GRAMD1B: variants seen among roughly 807,000 people sequenced by gnomAD.
GRAMD1B encodes protein Aster-B.
A neutral mutation model predicts 99.7 loss-of-function variants in GRAMD1B; 37 were observed. The observed-to-expected ratio is 0.37, with a 90% CI of 0.29 to 0.49. GRAMD1B has a LOEUF of 0.49. Among genes scored for constraint, GRAMD1B ranks in the 20% least tolerant of loss-of-function variants. The pLI, the probability that GRAMD1B is intolerant of heterozygous loss-of-function variation, is 0.98. For synonymous variants in GRAMD1B, 427 were observed against 387.6 expected, an observed-to-expected ratio of 1.10 and a Z score of -1.19; for missense variants, 888 against 1,009.2, an observed-to-expected ratio of 0.88 and a Z score of 1.63.
At chr11:123,620,278 G>A (rs534930633) in intron 19 of GRAMD1B, among the ~76,000 whole-genome samples, 96 of 152,010 alleles carry the variant, frequency 6.3e-4, no homozygotes, top group African/African-American at 2.2e-3. Flanking sequence ...GTTTGAAACC[G>A]GCCTGGCCAA....
At chr11:123,622,358 A>T in intron 19 of GRAMD1B, 148 bp from the exon 20 acceptor site, 1 of 610,054 alleles carries the variant, frequency 1.6e-6, no homozygotes, top group Non-Finnish European at 3.0e-6. Context: ...AGTGTTGAGA[A>T]CCACCCTTGC....
chr11:123,412,898 C>T (rs1948101776), intron 1 of GRAMD1B, among the ~76,000 whole-genome samples: 1 of 152,146 alleles, frequency 6.6e-6, no homozygotes, highest in Non-Finnish European at 1.5e-5. Flanking sequence ...TCTCCTGTCT[C>T]AGCCTCCCGA....
At chr11:123,399,980 A>C (rs1947602557) in intron 1 of GRAMD1B, among the ~76,000 whole-genome samples, 1 of 151,972 alleles carries the variant, frequency 6.6e-6, no homozygotes, top group Non-Finnish European at 1.5e-5. Context: ...TTTGATTTGA[A>C]CCTGGTAACC....
intron 1 of GRAMD1B, among the ~76,000 whole-genome samples, chr11:123,386,452 T>C (rs1229942507): frequency 6.6e-6 from 1 of 150,478 alleles, no homozygotes; most frequent in African/African-American, 2.4e-5. Flanking sequence ...TTTTTTTTTT[T>C]TTTGAGATGG....
intron 1 of GRAMD1B, chr11:123,459,217 T>A (rs1160657726): frequency 6.6e-6 from 1 of 150,870 alleles, no homozygotes; most frequent in East Asian, 1.9e-4. Flanking sequence ...TATTTTTTTT[T>A]AATTTGCTGA....
chr11:123,476,608 A>G (rs1330399478), intron 1 of GRAMD1B, among the ~76,000 whole-genome samples: 1 of 152,174 alleles, frequency 6.6e-6, no homozygotes, highest in African/African-American at 2.4e-5. Flanking sequence ...TCCACCAGCT[A>G]CACCTTGTTC....
At chr11:123,608,876 C>A in intron 12 of GRAMD1B, 74 bp downstream of exon 12, 1 of 1,008,080 alleles carries the variant, frequency 9.9e-7, no homozygotes, top group Non-Finnish European at 1.5e-6. Context: ...CATTTGCTTC[C>A]TTCCCTTCCT....
chr11:123,438,455 T>C (rs1214798789), intron 1 of GRAMD1B, among the ~76,000 whole-genome samples: 3 of 151,716 alleles, frequency 2.0e-5, no homozygotes, highest in Admixed American at 6.6e-5. Flanking sequence ...AGGAGATGTG[T>C]GTGAGGTTGT....
chr11:123,428,518 G>A (rs914425355), upstream of GRAMD1B, among the ~76,000 whole-genome samples: 7 of 152,180 alleles, frequency 4.6e-5, no homozygotes, highest in Admixed American at 3.3e-4. Context: ...CTCTTCAGCC[G>A]CAGTATCTCT....
intron 6 of GRAMD1B, 46 bp downstream of exon 6, chr11:123,594,884 C>A (rs371595883): frequency 2.1e-6 from 2 of 942,354 alleles, no homozygotes; most frequent in Non-Finnish European, 3.5e-6. Context: ...TTGGCTATGG[C>A]TGAGCAAGCT....
At chr11:123,619,073 C>A in intron 18 of GRAMD1B, 34 bp from the exon 19 acceptor site, 2 of 1,206,400 alleles carry the variant, frequency 1.7e-6, no homozygotes, top group South Asian at 1.3e-5. Context: ...AGCATAACTC[C>A]AGCTGCTGGG....
chr11:123,495,107 A>G (rs1939077851), intron 2 of GRAMD1B, among the ~76,000 whole-genome samples: 1 of 122,804 alleles, frequency 8.1e-6, no homozygotes, highest in Non-Finnish European at 1.6e-5. Flanking sequence ...CCATATGTAT[A>G]TATACATACA....
At chr11:123,513,601 C>CTCT (rs1591772451) in intron 2 of GRAMD1B, among the ~76,000 whole-genome samples, 1 of 37,350 alleles carries the variant, frequency 2.7e-5, no homozygotes, top group African/African-American at 6.9e-5. Context: ...TTCCTTCCTT[C>CTCT]CTTCCTTCCT....
intron 1 of GRAMD1B, among the ~76,000 whole-genome samples, chr11:123,378,877 C>T (rs1405855549): frequency 6.6e-6 from 1 of 152,138 alleles, no homozygotes; most frequent in Non-Finnish European, 1.5e-5. Flanking sequence ...TGCACAAGAG[C>T]AATAGGATTT....
chr11:123,614,318 A>C (rs908117360), intron 16 of GRAMD1B, among the ~76,000 whole-genome samples: 29 of 152,158 alleles, frequency 1.9e-4, no homozygotes, highest in Non-Finnish European at 3.4e-4. Context: ...TTTTGCATTT[A>C]AGATTTCTGA....
intron 11 of GRAMD1B, among the ~76,000 whole-genome samples, 182 bp downstream of exon 11, chr11:123,606,980 G>A (rs1385683000): frequency 6.6e-6 from 1 of 152,124 alleles, no homozygotes; most frequent in Admixed American, 6.5e-5. Flanking sequence ...TGCTGTAGGA[G>A]CCTCCCATAG....
chr11:123,399,180 C>T lies in GRAMD1B; in HGVS notation c.-176+40381C>T, dbSNP rs74502507. ...GATTCCATATATAAGTGAGATCACG[C>T]ATTATTTGTCTTTCTGTGCCTGGCT... On this transcript the variant is annotated intron_variant, in intron 1 of 20. Transcript: ENST00000638157. Among the ~76,000 whole-genome samples the T allele has an allele frequency of 5.4e-3, 815 of 152,280 alleles. 10 individuals carry two copies. Among genetic ancestry groups the T allele is most frequent in the African/African-American group, 0.019 (788 of 41,554 alleles).
chr11:123,609,440 A>C (rs978265817), intron 12 of GRAMD1B, among the ~76,000 whole-genome samples: 2 of 152,132 alleles, frequency 1.3e-5, no homozygotes, highest in African/African-American at 4.8e-5. Context: ...GGGCACGGGG[A>C]GGTCATGGCT....
At chr11:123,593,523 G>A (rs761896199) in intron 4 of GRAMD1B, among the ~76,000 whole-genome samples, 1 of 152,148 alleles carries the variant, frequency 6.6e-6, no homozygotes, top group Non-Finnish European at 1.5e-5. Flanking sequence ...GATGCCTCTC[G>A]TGTGCCCGTT....
Sources: allele counts gnomAD v4.1 joint callset (sites outside exome capture counted in the v4.1 genomes callset), GRCh38; gene constraint gnomAD v4.1.1; transcripts MANE v1.5; gene names NCBI Gene and HGNC (gene_info 2026-07-23, HGNC 2026-07-21).